The following ARHGEF2 variants were observed in gnomAD, a reference collection of about 807,000 sequenced individuals.
ARHGEF2 encodes the protein Rho/Rac guanine nucleotide exchange factor 2.
A neutral mutation model predicts 121.0 loss-of-function variants in ARHGEF2; 22 were observed. The observed-to-expected ratio is 0.18, with a 90% CI of 0.13 to 0.26. The LOEUF (loss-of-function observed/expected upper bound fraction) is 0.26. ARHGEF2 is among the 10% of genes least tolerant of loss of function. The pLI, the probability that ARHGEF2 is intolerant of heterozygous loss-of-function variation, is 1.00. For missense variants in ARHGEF2, 907 were observed against 1,336.0 expected, an observed-to-expected ratio of 0.68 and a Z score of 5.01; for synonymous variants, 487 against 530.0, an observed-to-expected ratio of 0.92 and a Z score of 1.11.
intron 13 of ARHGEF2, among the ~76,000 whole-genome samples, chr1:155,955,868 A>G (rs1572084812): frequency 6.6e-6 from 1 of 151,968 alleles, no homozygotes; most frequent in East Asian, 1.9e-4. Flanking sequence ...GGCACGCACC[A>G]CCATGCCTGG....
chr1:155,948,439 G>A (rs1405216456), intron 21 of ARHGEF2, among the ~76,000 whole-genome samples: 2 of 152,018 alleles, frequency 1.3e-5, no homozygotes, highest in African/African-American at 4.8e-5. Flanking sequence ...AGACCAGCCT[G>A]GCCAACATGG....
rs902537008 is a variant in ARHGEF2 at position 155,978,332 on chromosome 1, C to A, written c.63+33G>T. ...CCGGGGTTCGGGGAGCACCCGAGGACCGCGGCGAAAGGAGAGGGGTTTCCG... is the reference window on the plus strand; with the variant it reads ...CCGGGGTTCGGGGAGCACCCGAGGAACGCGGCGAAAGGAGAGGGGTTTCCG... On this transcript the variant is annotated intron_variant, in intron 1 of 21. Transcript: ENST00000361247. This position sits in a 1 kb window ranked among gnomAD's most constrained non-coding sequence, Gnocchi z 4.1. 1.3e-6 allele frequency: 2 copies of A among 1,487,658 alleles called. No homozygotes were observed. The highest frequency in any genetic ancestry group is 2.8e-5 in the African/African-American group (2 of 70,660). 92.2% of individuals were successfully genotyped at this position (1,487,658 alleles called of 1,614,324 possible). A position where few individuals can be genotyped will look rare whatever the true frequency, so the allele number is the denominator to read the frequency against.
chr1:155,964,430 CCA>C (rs1378420295), intron 7 of ARHGEF2, among the ~76,000 whole-genome samples: 2 of 151,432 alleles, frequency 1.3e-5, no homozygotes, highest in Non-Finnish European at 2.9e-5. Flanking sequence ...TCGAGGCTTC[CCA>C]CAGTCTCCAG....
At position 155,947,703 on chromosome 1, in the gene ARHGEF2, G is replaced by A. The variant is rs959295404; in HGVS notation, c.*239C>T. 1.1e-5 allele frequency: 6 copies of A among 525,596 alleles called. No individual in the cohort carries two copies. Among genetic ancestry groups the A allele is most frequent in the African/African-American group, 1.9e-5 (1 of 52,184 alleles). The allele number at this position is 525,596 out of a possible 1,614,324, so 32.6% of individuals were successfully genotyped here. On this transcript the variant is annotated 3_prime_UTR_variant, in exon 22 of 22. Coordinates refer to ENST00000361247, the MANE Select transcript of ARHGEF2 (RefSeq NM_001162383.2). ...AATAAATAAATTTTCCTAAAGTTGC[G>A]GGAAGAAGGCATGAACCACTGGCAT...
rs1487431160 is a variant in ARHGEF2, at chr1:155,962,377, G to GT, written c.1102-156dup. ...GGGATAACAACGCCACAGGTTTGTT[G>GT]TGAGGACCAACTGAAGGAGCAAAAA... On this transcript the variant is annotated intron_variant, in intron 9 of 21. Coordinates refer to ENST00000361247, the MANE Select transcript of ARHGEF2 (RefSeq NM_001162383.2). The surrounding 1 kb of genome is among the most constrained non-coding windows in gnomAD (Gnocchi z 5.8). The GT allele has an allele frequency of 9.8e-7, 1 of 1,018,600 alleles. No homozygotes were observed. Among genetic ancestry groups the GT allele is most frequent in the African/African-American group, 1.6e-5 (1 of 62,376 alleles). The allele number at this position is 1,018,600 out of a possible 1,614,324, so 63.1% of individuals were successfully genotyped here.
At position 155,947,245 on chromosome 1, in the gene ARHGEF2, C is replaced by T. The variant is rs1220259723; in HGVS notation, c.*697G>A. The T allele has an allele frequency of 2.5e-6, 1 of 405,510 alleles. No homozygotes were observed. 25.1% of individuals were successfully genotyped at this position (405,510 alleles called of 1,614,324 possible). On this transcript the variant is annotated 3_prime_UTR_variant, in exon 22 of 22. Coordinates refer to ENST00000361247, the MANE Select transcript of ARHGEF2 (RefSeq NM_001162383.2). ...AAAACACGTGCAGTTGACTTTGGTA[C>T]AAAAAAGAAAACAAAAGAACAACAA...
intron 1 of ARHGEF2, among the ~76,000 whole-genome samples, chr1:155,971,882 A>C (rs1680536662): frequency 2.7e-5 from 4 of 150,478 alleles, no homozygotes; most frequent in Non-Finnish European, 5.9e-5. Flanking sequence ...ACCCATCTCT[A>C]TAAAAAAAAA....
At chr1:155,953,567 C>A (rs975773525) in intron 14 of ARHGEF2, among the ~76,000 whole-genome samples, 16 of 151,600 alleles carry the variant, frequency 1.1e-4, no homozygotes, top group Non-Finnish European at 5.9e-5. Flanking sequence ...CATGGTGAAA[C>A]CCTATCTCTA....
intron 7 of ARHGEF2, among the ~76,000 whole-genome samples, chr1:155,964,167 AATATATATAT>A (rs869033599): frequency 1.2e-3 from 110 of 91,210 alleles, no homozygotes; most frequent in African/African-American, 6.4e-3. Flanking sequence ...AAAAAAAAAA[AATATATATAT>A]ATATATATAT....
In ARHGEF2 at chr1:155,962,046, C is replaced by A. The variant is rs1051015391; in HGVS notation, c.1219+59G>T. The A allele has an allele frequency of 1.1e-5, 18 of 1,608,422 alleles. No homozygotes were observed. The South Asian group carries it at 1.2e-4, about 11-fold the overall frequency. ...CCACCCTTCCTGTGGTCATACCGAG[C>A]CTTTCCTCACCCCAGGTGGCCGTCT... On this transcript the variant is annotated intron_variant, in intron 10 of 21. Coordinates refer to ENST00000361247, the MANE Select transcript of ARHGEF2 (RefSeq NM_001162383.2). This position sits in a 1 kb window ranked among gnomAD's most constrained non-coding sequence, Gnocchi z 5.8.
intron 4 of ARHGEF2, among the ~76,000 whole-genome samples, chr1:155,966,176 C>T (rs1021805321): frequency 5.9e-5 from 9 of 152,152 alleles, no homozygotes; most frequent in East Asian, 1.9e-4. Flanking sequence ...AAAATGCAGG[C>T]TGCGGCCAGG....
intron 1 of ARHGEF2, among the ~76,000 whole-genome samples, chr1:155,975,945 G>A (rs1681224645): frequency 6.6e-6 from 1 of 152,162 alleles, no homozygotes; most frequent in Non-Finnish European, 1.5e-5. Flanking sequence ...CAGAGGAGGT[G>A]GAGGACTGAA....
intron 7 of ARHGEF2, among the ~76,000 whole-genome samples, chr1:155,964,165 AAAATATATATATAT>A (rs1678705157): frequency 3.2e-5 from 3 of 93,050 alleles, no homozygotes; most frequent in African/African-American, 1.7e-4. Context: ...AAAAAAAAAA[AAAATATATATATAT>A]ATATATATAT....
chr1:155,976,132 C>A (rs1020759014), intron 1 of ARHGEF2, among the ~76,000 whole-genome samples: 3 of 151,892 alleles, frequency 2.0e-5, no homozygotes, highest in African/African-American at 7.3e-5. Flanking sequence ...GGTGTCAGGG[C>A]TTAGCTGTGA....
In ARHGEF2 at chr1:155,950,778, A is replaced by T. The variant is rs755252179; in HGVS notation, c.2703+51T>A. ...AATGGCCCAATTTCTTTCGGGCTCC[A>T]TGGACCCTTATGTCCACCCCAGGTC... On this transcript the variant is annotated intron_variant, in intron 20 of 21. Coordinates refer to ENST00000361247, the MANE Select transcript of ARHGEF2 (RefSeq NM_001162383.2). This position sits in a 1 kb window ranked among gnomAD's most constrained non-coding sequence, Gnocchi z 5.2. 2 of 1,499,632 alleles carry T rather than the reference A, an allele frequency of 1.3e-6. No homozygotes were observed. Among genetic ancestry groups the T allele is most frequent in the Non-Finnish European group, 1.8e-6 (2 of 1,119,384 alleles). 92.9% of individuals were successfully genotyped at this position (1,499,632 alleles called of 1,614,324 possible).
intron 11 of ARHGEF2, 98 bp from the exon 12 acceptor site, chr1:155,958,494 GCTC>G: frequency 1.1e-6 from 1 of 946,394 alleles, no homozygotes; most frequent in African/African-American, 1.7e-5. Context: ...TCAGGTTAGA[GCTC>G]CCAGTTTCCC....
chr1:155,965,677 A>G lies in ARHGEF2; in HGVS notation c.424T>C (p.Ser142Pro). 6.2e-7 allele frequency: 1 copy of G among 1,610,238 alleles called. No homozygotes were observed. The highest frequency in any genetic ancestry group is 8.5e-7 in the Non-Finnish European group (1 of 1,179,152). ...ACACTCTTGGCTAAAGACAAGGAGG[A>G]GCGGCCACGGCGGGAGCCCAGGAGG... ...QSLLGSRRGR[S>P]SLSLAKSVST... Residue 142 changes from serine to proline, a missense_variant, in exon 5 of 22, where the codon TCC becomes CCC. Around this residue, in one of 2 missense-constraint regions of ARHGEF2, gnomAD observed 475 missense variants for 776.5 expected, o/e 0.61. Coordinates refer to ENST00000361247, the MANE Select transcript of ARHGEF2 (RefSeq NM_001162383.2). The surrounding 1 kb of genome is among the most constrained non-coding windows in gnomAD (Gnocchi z 6.0).
chr1:155,956,651 G>A (rs1272753474), intron 13 of ARHGEF2, among the ~76,000 whole-genome samples: 2 of 151,348 alleles, frequency 1.3e-5, no homozygotes, highest in East Asian at 1.9e-4. Context: ...GCAAAACCCC[G>A]TCTCCACTAA....
chr1:155,949,557 C>A (rs115446733), intron 21 of ARHGEF2, among the ~76,000 whole-genome samples: 35 of 148,608 alleles, frequency 2.4e-4, no homozygotes, highest in Middle Eastern at 3.5e-3. Context: ...TCCAGCCTGG[C>A]GACAGAGTGA....
Sources: allele counts gnomAD v4.1 joint callset (sites outside exome capture counted in the v4.1 genomes callset), GRCh38; gene constraint gnomAD v4.1.1; regional missense constraint gnomAD v4.1.1; non-coding constraint Gnocchi (gnomAD v3.1); transcripts MANE v1.5; gene names NCBI Gene and HGNC (gene_info 2026-07-23, HGNC 2026-07-21).